Variants in CNGA3 observed in about 807,000 individuals in gnomAD.
CNGA3 encodes the protein cyclic nucleotide gated channel subunit alpha 3.
In CNGA3, 42 loss-of-function variants were observed where a neutral mutation model predicts 46.6. That is an observed-to-expected ratio of 0.90 (90% confidence interval 0.70 to 1.17). CNGA3 has a LOEUF of 1.17. CNGA3 is among the 50% of genes most tolerant of loss of function. The pLI is 0.00. For synonymous variants in CNGA3, 394 were observed against 369.4 expected (o/e 1.07, Z -0.76); for missense variants, 893 against 890.7 (o/e 1.00, Z -0.03).
At chr2:98,378,205 G>A (rs1189901380) in intron 3 of CNGA3, 65 of 1,549,268 alleles carry the variant, frequency 4.2e-5, no homozygotes, top group East Asian at 2.0e-4. Flanking sequence ...CCGGGTGCTC[G>A]TCTGGACCCC....
chr2:98,354,453 C>CT (rs113199961), intron 1 of CNGA3, among the ~76,000 whole-genome samples: 31,248 of 152,014 alleles, frequency 0.21, 3,588 homozygotes, highest in Middle Eastern at 0.3. Context: ...AGTTATTTGA[C>CT]TTTTGTTATT....
At chr2:98,390,302 TTA>T (rs756649847) in intron 6 of CNGA3, among the ~76,000 whole-genome samples, 1 of 149,664 alleles carries the variant, frequency 6.7e-6, no homozygotes, top group African/African-American at 2.4e-5. Context: ...CGCCTGGCTT[TTA>T]TATATATATA....
chr2:98,394,614 C>T (rs537125370), intron 7 of CNGA3, among the ~76,000 whole-genome samples: 10 of 152,266 alleles, frequency 6.6e-5, no homozygotes, highest in South Asian at 2.1e-4. Flanking sequence ...TTGTTTCATC[C>T]GCCCTTTTCT....
chr2:98,356,454 C>T (rs923050437), intron 1 of CNGA3, among the ~76,000 whole-genome samples: 20 of 152,154 alleles, frequency 1.3e-4, no homozygotes, highest in Non-Finnish European at 2.6e-4. Flanking sequence ...TGTACTCTGT[C>T]CTGATTGAGA....
intron 2 of CNGA3, among the ~76,000 whole-genome samples, chr2:98,371,126 T>C (rs548210809): frequency 6.6e-6 from 1 of 152,196 alleles, no homozygotes; most frequent in Non-Finnish European, 1.5e-5. Flanking sequence ...CACCCAGCCA[T>C]GTTTGTTAAA....
At chr2:98,354,614 A>C (rs1483337171) in intron 1 of CNGA3, among the ~76,000 whole-genome samples, 1 of 152,130 alleles carries the variant, frequency 6.6e-6, no homozygotes, top group Non-Finnish European at 1.5e-5. Flanking sequence ...GAGAGACACC[A>C]TCTCTACAAA....
At chr2:98,362,664 C>G (rs1220204584) in intron 1 of CNGA3, among the ~76,000 whole-genome samples, 1 of 152,088 alleles carries the variant, frequency 6.6e-6, no homozygotes, top group African/African-American at 2.4e-5. Context: ...TTAATTAGAT[C>G]CTGTTTGTCA....
intron 4 of CNGA3, among the ~76,000 whole-genome samples, chr2:98,381,268 C>A (rs3754899): frequency 0.47 from 70,718 of 151,902 alleles, 16,841 homozygotes; most frequent in South Asian, 0.58. Flanking sequence ...AAACAGGTGG[C>A]TTCTCACCCA....
At chr2:98,361,017 T>A (rs973564147) in intron 1 of CNGA3, among the ~76,000 whole-genome samples, 3 of 113,106 alleles carry the variant, frequency 2.7e-5, no homozygotes, top group African/African-American at 6.1e-5. Context: ...TTTTATTTTA[T>A]TTTATTTATT....
chr2:98,393,077 G>A (rs550445589), intron 7 of CNGA3, among the ~76,000 whole-genome samples: 3 of 152,232 alleles, frequency 2.0e-5, no homozygotes, highest in Non-Finnish European at 2.9e-5. Flanking sequence ...ACTAGCCAGG[G>A]CAACATAGCA....
intron 5 of CNGA3, among the ~76,000 whole-genome samples, chr2:98,387,769 A>G (rs1335544127): frequency 2.0e-5 from 3 of 152,122 alleles, no homozygotes; most frequent in Non-Finnish European, 2.9e-5. Flanking sequence ...CCTTCTGCTC[A>G]CTGGCTTTCT....
chr2:98,362,696 G>T (rs1692061708), intron 1 of CNGA3, among the ~76,000 whole-genome samples: 1 of 152,108 alleles, frequency 6.6e-6, no homozygotes, highest in Non-Finnish European at 1.5e-5. Flanking sequence ...TGTTGCAATT[G>T]CTTTTGATGT....
At chr2:98,378,245 T>C (rs940413696) in intron 3 of CNGA3, 1 of 1,537,994 alleles carries the variant, frequency 6.5e-7, no homozygotes, top group Non-Finnish European at 8.8e-7. Flanking sequence ...GCAAAAGCAT[T>C]TGTTTGCAAG....
chr2:98,364,247 A>C (rs770603902), intron 1 of CNGA3, among the ~76,000 whole-genome samples: 3 of 152,070 alleles, frequency 2.0e-5, no homozygotes, highest in Non-Finnish European at 4.4e-5. Flanking sequence ...GCATGGTGGC[A>C]TGGGCGTGTT....
chr2:98,383,260 T>A (rs926097175), intron 4 of CNGA3, 128 bp from the exon 5 acceptor site: 4 of 878,524 alleles, frequency 4.6e-6, no homozygotes, highest in Non-Finnish European at 7.6e-6. Context: ...TTCTTCAAGC[T>A]GTGAGTGCAA....
chr2:98,348,657 T>C (rs1344073766), intron 1 of CNGA3, among the ~76,000 whole-genome samples: 1 of 152,206 alleles, frequency 6.6e-6, no homozygotes, highest in Non-Finnish European at 1.5e-5. Flanking sequence ...TGGGCCATGC[T>C]TTTTTCTCTA....
chr2:98,364,780 T>C (rs1232529566), intron 1 of CNGA3, among the ~76,000 whole-genome samples: 1 of 152,198 alleles, frequency 6.6e-6, no homozygotes, highest in East Asian at 1.9e-4. Context: ...AGTTAGTGTT[T>C]CCTTCAGGAG....
At chr2:98,388,377 A>G (rs1692707051) in intron 5 of CNGA3, among the ~76,000 whole-genome samples, 1 of 152,238 alleles carries the variant, frequency 6.6e-6, no homozygotes, top group African/African-American at 2.4e-5. Flanking sequence ...CCATGGTCCC[A>G]GCAGGCCTGA....
intron 5 of CNGA3, among the ~76,000 whole-genome samples, chr2:98,389,136 A>G (rs1187336830): frequency 1.3e-5 from 2 of 152,186 alleles, no homozygotes; most frequent in Admixed American, 1.3e-4. Context: ...CGTCCGCACA[A>G]ACACAGTGAG....
Sources: allele counts gnomAD v4.1 joint callset (sites outside exome capture counted in the v4.1 genomes callset), GRCh38; gene constraint gnomAD v4.1.1; transcripts MANE v1.5; gene names NCBI Gene and HGNC (gene_info 2026-07-23, HGNC 2026-07-21).